Variants in DOK6 observed in about 807,000 individuals in gnomAD.
DOK6 encodes the protein docking protein 6.
Under a neutral mutation model 44.0 loss-of-function variants are expected in DOK6, and 22 were observed. The ratio of observed to expected loss-of-function variants is 0.50; its 90% CI spans 0.36 to 0.71. DOK6 has a LOEUF of 0.71. Ranked by LOEUF, DOK6 falls within the 30% of genes least tolerant of loss-of-function variation. The pLI is 0.00. For synonymous variants in DOK6, 166 were observed against 145.5 expected, an observed-to-expected ratio of 1.14 and a Z score of -1.01; for missense variants, 340 against 416.4, an observed-to-expected ratio of 0.82 and a Z score of 1.60.
chr18:69,623,872 T>G (rs1392386537), intron 3 of DOK6, among the ~76,000 whole-genome samples: 1 of 152,152 alleles, frequency 6.6e-6, no homozygotes, highest in African/African-American at 2.4e-5. Flanking sequence ...ACCCAGAACC[T>G]CTACTTCTAG....
intron 1 of DOK6, among the ~76,000 whole-genome samples, chr18:69,401,905 G>A (rs1269305987): frequency 6.6e-6 from 1 of 152,138 alleles, no homozygotes; most frequent in Middle Eastern, 3.2e-3. Flanking sequence ...TGTGCCCCGC[G>A]CCCGCCCGCG....
intron 1 of DOK6, among the ~76,000 whole-genome samples, chr18:69,436,714 A>C (rs778164315): frequency 6.6e-6 from 1 of 152,334 alleles, no homozygotes. Context: ...TTCTGGTTCT[A>C]GATCCTTGAG....
intron 1 of DOK6, among the ~76,000 whole-genome samples, chr18:69,541,267 A>G (rs1054994342): frequency 6.6e-6 from 1 of 151,422 alleles, no homozygotes; most frequent in Non-Finnish European, 1.5e-5. Flanking sequence ...ATTTGCTCTC[A>G]TGCTCTGGAA....
At chr18:69,792,007 T>C (rs1342521084) in intron 7 of DOK6, among the ~76,000 whole-genome samples, 3 of 152,000 alleles carry the variant, frequency 2.0e-5, no homozygotes, top group Non-Finnish European at 4.4e-5. Flanking sequence ...ATTGAAGAGA[T>C]GGTCATTTCC....
At chr18:69,503,832 A>G (rs1981111868) in intron 1 of DOK6, among the ~76,000 whole-genome samples, 1 of 152,042 alleles carries the variant, frequency 6.6e-6, no homozygotes, top group African/African-American at 2.4e-5. Flanking sequence ...TTATTCAAGG[A>G]CAGAAAAAGA....
chr18:69,585,529 A>G (rs1983478605), intron 2 of DOK6, among the ~76,000 whole-genome samples: 1 of 152,336 alleles, frequency 6.6e-6, no homozygotes, highest in South Asian at 2.1e-4. Flanking sequence ...TTAATTTCAT[A>G]TAACTTCCAT....
At chr18:69,775,834 A>G (rs1980046984) in intron 7 of DOK6, among the ~76,000 whole-genome samples, 3 of 151,958 alleles carry the variant, frequency 2.0e-5, no homozygotes, top group Non-Finnish European at 4.4e-5. Flanking sequence ...TTGAAAGTAA[A>G]CTGAAGGCAA....
rs189730540 is a variant in DOK6 at position 69,546,146 on chromosome 18, G to A, written c.67-18341G>A. On this transcript the variant is annotated intron_variant, in intron 1 of 7. Coordinates refer to ENST00000382713, the MANE Select transcript of DOK6 (RefSeq NM_152721.6). ...TACAAAATTAGCCAGGCATGGTGGC[G>A]CATGCCTGTAATCCCAGCTACTTGG... Among the ~76,000 whole-genome samples the A allele has an allele frequency of 1.6e-4, 24 of 150,848 alleles. No homozygotes were observed. The South Asian group carries it at 2.8e-3, about 17-fold the overall frequency.
chr18:69,626,620 A>C (rs1238121239), intron 3 of DOK6, among the ~76,000 whole-genome samples: 1 of 152,232 alleles, frequency 6.6e-6, no homozygotes, highest in Non-Finnish European at 1.5e-5. Context: ...AAATGCTTCC[A>C]AGAAAATCGA....
intron 7 of DOK6, among the ~76,000 whole-genome samples, chr18:69,811,556 A>ATATG (rs1981233464): frequency 5.7e-5 from 1 of 17,540 alleles, no homozygotes; most frequent in African/African-American, 9.6e-5. Context: ...ATATATATAT[A>ATATG]TATATATATA....
chr18:69,794,946 A>G (rs1267372531), intron 7 of DOK6, among the ~76,000 whole-genome samples: 1 of 152,116 alleles, frequency 6.6e-6, no homozygotes, highest in Non-Finnish European at 1.5e-5. Flanking sequence ...CTGCAGGAAA[A>G]CAAGCTTAGG....
At chr18:69,824,184 A>G (rs559679096) in intron 7 of DOK6, among the ~76,000 whole-genome samples, 554 of 40,354 alleles carry the variant, frequency 0.014, no homozygotes, top group Non-Finnish European at 0.03. Context: ...TCCTAATGCT[A>G]TCCCTCCCCC....
intron 3 of DOK6, among the ~76,000 whole-genome samples, chr18:69,654,572 T>G (rs753321431): frequency 5.9e-5 from 9 of 152,172 alleles, no homozygotes; most frequent in Non-Finnish European, 1.3e-4. Flanking sequence ...CACATCTCTC[T>G]CACAATTAAA....
At chr18:69,813,776 C>A (rs1033359712) in intron 7 of DOK6, among the ~76,000 whole-genome samples, 1 of 151,938 alleles carries the variant, frequency 6.6e-6, no homozygotes, top group African/African-American at 2.4e-5. Flanking sequence ...AGGAATTGGG[C>A]AATCTGGGTT....
At chr18:69,834,152 T>A (rs1357081556) in intron 7 of DOK6, among the ~76,000 whole-genome samples, 1 of 152,114 alleles carries the variant, frequency 6.6e-6, no homozygotes, top group East Asian at 1.9e-4. Flanking sequence ...GATGAATGGA[T>A]AAAGAAAATG....
chr18:69,487,987 C>T (rs1980630897), intron 1 of DOK6, among the ~76,000 whole-genome samples: 1 of 152,166 alleles, frequency 6.6e-6, no homozygotes, highest in African/African-American at 2.4e-5. Flanking sequence ...GGTAAAATGC[C>T]ATGGACTGGG....
chr18:69,644,337 A>G (rs1895514695), intron 3 of DOK6, among the ~76,000 whole-genome samples: 1 of 151,956 alleles, frequency 6.6e-6, no homozygotes, highest in East Asian at 1.9e-4. Context: ...CTCTTTGCGT[A>G]CTCTTAATTC....
intron 7 of DOK6, 108 bp from the exon 8 acceptor site, chr18:69,841,136 A>G: frequency 7.1e-7 from 1 of 1,414,910 alleles, no homozygotes; most frequent in Non-Finnish European, 9.6e-7. Context: ...TGCCTTGTTT[A>G]TTGTTCTTAA....
At chr18:69,735,132 A>G (rs1052840467) in intron 5 of DOK6, among the ~76,000 whole-genome samples, 4 of 152,238 alleles carry the variant, frequency 2.6e-5, no homozygotes, top group African/African-American at 9.6e-5. Flanking sequence ...TTGTTAGAAC[A>G]TAACAGATAA....
Sources: allele counts gnomAD v4.1 joint callset (sites outside exome capture counted in the v4.1 genomes callset), GRCh38; gene constraint gnomAD v4.1.1; transcripts MANE v1.5; gene names NCBI Gene and HGNC (gene_info 2026-07-23, HGNC 2026-07-21).